CSRNP3: variants seen among roughly 807,000 people sequenced by gnomAD.
CSRNP3 encodes cysteine/serine-rich nuclear protein 3.
A neutral mutation model predicts 48.0 loss-of-function variants in CSRNP3; 12 were observed. The ratio of observed to expected loss-of-function variants is 0.25; its 90% CI spans 0.16 to 0.41. CSRNP3 has a LOEUF of 0.41. Among genes scored for constraint, CSRNP3 ranks in the 10% least tolerant of loss-of-function variants. CSRNP3 has a pLI of 1.00. For missense variants in CSRNP3, 580 were observed against 724.4 expected (o/e 0.80, Z 2.29); for synonymous variants, 263 against 269.7 (o/e 0.98, Z 0.24).
At chr2:165,649,990 A>G (rs545693850) in intron 4 of CSRNP3, among the ~76,000 whole-genome samples, 1 of 152,114 alleles carries the variant, frequency 6.6e-6, no homozygotes, top group Non-Finnish European at 1.5e-5. Flanking sequence ...TAAACTCTTT[A>G]TAACTGAATG....
At position 165,685,517 on chromosome 2, in the gene CSRNP3, T is replaced by G. The variant is rs1240607555; in HGVS notation, c.*5764T>G. ...AAAGCCTAAAACAATATGTTTCAGTTTACTTTTATATGTAGATTTTTTAAA... is the reference window on the plus strand; with the variant it reads ...AAAGCCTAAAACAATATGTTTCAGTGTACTTTTATATGTAGATTTTTTAAA... On this transcript the variant is annotated 3_prime_UTR_variant, in exon 7 of 7. Transcript: ENST00000651982. 2 of 152,062 alleles carry G rather than the reference T, an allele frequency of 1.3e-5. No homozygotes were observed. Among genetic ancestry groups the G allele is most frequent in the African/African-American group, 4.8e-5 (2 of 41,448 alleles). 9.4% of individuals were successfully genotyped at this position (152,062 alleles called of 1,614,324 possible).
intron 3 of CSRNP3, among the ~76,000 whole-genome samples, chr2:165,541,596 C>T (rs1203829710): frequency 6.6e-6 from 1 of 152,076 alleles, no homozygotes; most frequent in Non-Finnish European, 1.5e-5. Flanking sequence ...TGACACACAT[C>T]GTGGGATACA....
rs1687537729 is a variant in CSRNP3 at position 165,681,490 on chromosome 2, C to A, written c.*1737C>A. The stretch of plus-strand genomic sequence containing the variant: ...AAGTCCTCCAGTGGAAAAGTTTCTA[C>A]TAAACTTTGTTTTGGGGAAAAAATG... On this transcript the variant is annotated 3_prime_UTR_variant, in exon 7 of 7. Coordinates refer to ENST00000651982, the MANE Select transcript of CSRNP3 (RefSeq NM_001172173.2). 6.6e-6 allele frequency: 1 copy of A among 151,684 alleles called. No individual in the cohort carries two copies. The highest frequency in any genetic ancestry group is 1.9e-4 in the East Asian group (1 of 5,148). The allele number at this position is 151,684 out of a possible 1,614,324, so 9.4% of individuals were successfully genotyped here.
intron 2 of CSRNP3, among the ~76,000 whole-genome samples, chr2:165,509,530 A>C (rs1684471999): frequency 6.6e-6 from 1 of 152,180 alleles, no homozygotes; most frequent in South Asian, 2.1e-4. Context: ...GCTGAAAGGC[A>C]ATGCTGATTG....
chr2:165,484,221 T>C (rs1225743299), intron 1 of CSRNP3, among the ~76,000 whole-genome samples: 1 of 152,112 alleles, frequency 6.6e-6, no homozygotes, highest in Non-Finnish European at 1.5e-5. Flanking sequence ...GCCTCCCAAG[T>C]AGCTGGTGTT....
intron 1 of CSRNP3, among the ~76,000 whole-genome samples, chr2:165,494,098 T>C (rs1452956912): frequency 6.6e-6 from 1 of 152,244 alleles, no homozygotes; most frequent in East Asian, 1.9e-4. Flanking sequence ...AAATTAATAT[T>C]TTATTCAACA....
At position 165,679,776 on chromosome 2, in the gene CSRNP3, A is replaced by C. The variant is rs1381090448; in HGVS notation, c.*23A>C. 1 of 1,592,106 alleles carries C rather than the reference A, an allele frequency of 6.3e-7. No homozygotes were observed. The highest frequency in any genetic ancestry group is 1.1e-5 in the South Asian group (1 of 87,932). On this transcript the variant is annotated 3_prime_UTR_variant, in exon 7 of 7. Coordinates refer to ENST00000651982, the MANE Select transcript of CSRNP3 (RefSeq NM_001172173.2). ...TAGTAGCTTAAATTATTCTAGGACC[A>C]ACTCTTCTCTTATTTAAGGCACTGT...
At chr2:165,512,002 G>C (rs1302134082) in intron 2 of CSRNP3, among the ~76,000 whole-genome samples, 2 of 152,142 alleles carry the variant, frequency 1.3e-5, no homozygotes, top group African/African-American at 2.4e-5. Context: ...AGACTAGCAT[G>C]ATGAATAATG....
chr2:165,676,690 AAG>A, intron 6 of CSRNP3, 82 bp downstream of exon 6: 3 of 1,311,860 alleles, frequency 2.3e-6, no homozygotes, highest in Non-Finnish European at 3.2e-6. Context: ...ACCTATAATG[AAG>A]CTTCCCACAT....
chr2:165,619,298 A>C (rs1686300829), intron 4 of CSRNP3, among the ~76,000 whole-genome samples: 1 of 152,158 alleles, frequency 6.6e-6, no homozygotes, highest in African/African-American at 2.4e-5. Flanking sequence ...TAACATTTAA[A>C]AATTACAGGA....
At chr2:165,560,050 T>C (rs867998077) in intron 3 of CSRNP3, among the ~76,000 whole-genome samples, 1 of 152,064 alleles carries the variant, frequency 6.6e-6, no homozygotes, top group Admixed American at 6.5e-5. Context: ...CCACCCACCT[T>C]GGCCTCCCAA....
chr2:165,662,060 T>C (rs932400499), intron 5 of CSRNP3, among the ~76,000 whole-genome samples: 1 of 150,412 alleles, frequency 6.6e-6, no homozygotes, highest in Non-Finnish European at 1.5e-5. Flanking sequence ...AATAGAGAAA[T>C]ATGAGAAAAA....
chr2:165,645,101 A>C (rs1380339398), intron 4 of CSRNP3, among the ~76,000 whole-genome samples: 1 of 152,160 alleles, frequency 6.6e-6, no homozygotes, highest in Non-Finnish European at 1.5e-5. Context: ...TAAGAGGCCC[A>C]GGCAGGTGGA....
intron 2 of CSRNP3, among the ~76,000 whole-genome samples, chr2:165,501,383 G>A (rs939800207): frequency 5.9e-5 from 9 of 152,070 alleles, no homozygotes; most frequent in Non-Finnish European, 1.2e-4. Context: ...AGTCCAAAAA[G>A]GATAAACACA....
At chr2:165,582,696 G>T (rs1190768179) in intron 3 of CSRNP3, among the ~76,000 whole-genome samples, 1 of 152,158 alleles carries the variant, frequency 6.6e-6, no homozygotes, top group Non-Finnish European at 1.5e-5. Flanking sequence ...CACCAAAGCT[G>T]GGGAAATGGT....
chr2:165,614,487 G>A (rs958238542), intron 4 of CSRNP3, among the ~76,000 whole-genome samples: 2 of 152,124 alleles, frequency 1.3e-5, no homozygotes, highest in African/African-American at 2.4e-5. Context: ...GTGAAAGTGG[G>A]CATCCTTGTC....
At chr2:165,542,025 C>T (rs1401719504) in intron 3 of CSRNP3, among the ~76,000 whole-genome samples, 2 of 152,164 alleles carry the variant, frequency 1.3e-5, no homozygotes, top group Non-Finnish European at 2.9e-5. Flanking sequence ...CCATGCTGAA[C>T]AGTAACTAAA....
At chr2:165,591,362 G>A (rs936525697) in intron 3 of CSRNP3, among the ~76,000 whole-genome samples, 3 of 152,304 alleles carry the variant, frequency 2.0e-5, no homozygotes, top group East Asian at 3.9e-4. Context: ...AAAATTTGAA[G>A]TCTGATGATG....
chr2:165,656,301 G>A (rs1363675607), intron 4 of CSRNP3, among the ~76,000 whole-genome samples: 2 of 152,110 alleles, frequency 1.3e-5, no homozygotes, highest in Non-Finnish European at 2.9e-5. Context: ...CTAATTTCAA[G>A]AGGCCATGTT....
Sources: gnomAD v4.1 joint callset for allele counts (sites outside exome capture counted in the v4.1 genomes callset) on GRCh38, gnomAD v4.1.1 for gene constraint, MANE v1.5 for transcripts, NCBI Gene and HGNC (gene_info 2026-07-23, HGNC 2026-07-21) for gene names.